The following EEF1D variants were observed in gnomAD, a reference collection of about 807,000 sequenced individuals.
The protein encoded by EEF1D is eukaryotic translation elongation factor 1 delta.
In EEF1D, 47 loss-of-function variants were observed where a neutral mutation model predicts 63.9. The observed-to-expected ratio is 0.74, with a 90% CI of 0.58 to 0.94. The LOEUF (loss-of-function observed/expected upper bound fraction) is 0.94, where lower values mean the gene tolerates loss of function less well. Ranked by LOEUF, EEF1D falls within the 40% of genes least tolerant of loss-of-function variation. The probability of loss-of-function intolerance (pLI) is 0.00; values close to 1 mark genes in which losing one functional copy is unlikely to be tolerated. For missense variants in EEF1D, 907 were observed against 899.0 expected, an observed-to-expected ratio of 1.01 and a Z score of -0.11; for synonymous variants, 412 against 386.1, an observed-to-expected ratio of 1.07 and a Z score of -0.79.
chr8:143,593,847 CTTCCCGCA>C (rs2131283005), intron 1 of EEF1D: 1 of 985,436 alleles, frequency 1.0e-6, no homozygotes, highest in East Asian at 1.1e-4. Context: ...CATTTCCCCG[CTTCCCGCA>C]TTCCCAAGCA....
In EEF1D at chr8:143,586,382, A is replaced by G. The variant is rs148828424; in HGVS notation, c.1216-92T>C. 1.1e-3 allele frequency: 1,331 copies of G among 1,191,828 alleles called. 17 individuals carry two copies. The African/African-American group carries it at 0.02, about 18-fold the overall frequency. 73.8% of individuals were successfully genotyped at this position (1,191,828 alleles called of 1,614,324 possible). A position where few individuals can be genotyped will look rare whatever the true frequency, so the allele number is the denominator to read the frequency against. On this transcript the variant is annotated intron_variant, in intron 4 of 9. Coordinates refer to ENST00000618139, the MANE Select transcript of EEF1D (RefSeq NM_001130053.5). Reference sequence around the variant, plus strand: ...ACCAAAAAACCCCATGAACCCTCACATAGAGACAGCAAGAAAGTACTGCAC... The same window carrying G: ...ACCAAAAAACCCCATGAACCCTCACGTAGAGACAGCAAGAAAGTACTGCAC...
At position 143,581,127 on chromosome 8, in the gene EEF1D, G is replaced by A; in HGVS notation, c.1415C>T (p.Ser472Phe). The A allele has an allele frequency of 1.9e-6, 3 of 1,612,994 alleles. No homozygotes were observed. Among genetic ancestry groups the A allele is most frequent in the Non-Finnish European group, 2.5e-6 (3 of 1,179,968 alleles). ...CACGTTCAGCCGGGCCTCCAGCTTG[G>A]AGATGGCCTGCTGCAGCTCCTGTAC... ...GVVQELQQAI[S>F]KLEARLNVLE... The change falls in exon 7 of 10, where the codon TCC becomes TTC. Residue 472 changes from serine (S) to phenylalanine (F), a missense_variant. By Grantham distance (155) the Ser-to-Phe change is radical (BLOSUM62 -2). Transcript: ENST00000618139.
rs1240275964 is a variant in EEF1D at position 143,581,251 on chromosome 8, C to T, written c.1365G>A (p.Val455=). 6.2e-7 allele frequency: 1 copy of T among 1,612,820 alleles called. No homozygotes were observed. The highest frequency in any genetic ancestry group is 2.2e-5 in the East Asian group (1 of 44,882). The change falls in exon 6 of 10, where the codon GTG becomes GTA. Residue 455 remains valine, a synonymous_variant. Transcript: ENST00000618139. ...CACCGCCACGCAGACTCTGGTTCTC[C>T]ACTTCCAGACTGGCAATCCGGACGA... ...ELVVRIASLE[V]ENQSLRGVVQ...
In EEF1D at chr8:143,580,171, G is replaced by T. The variant is rs746947563; in HGVS notation, c.1746C>A (p.Ala582=). The T allele has an allele frequency of 6.2e-7, 1 of 1,613,736 alleles. No homozygotes were observed. The highest frequency in any genetic ancestry group is 8.5e-7 in the Non-Finnish European group (1 of 1,180,002). ...CGTCCAGCTGGATAGAGCGCACACA[G>T]GCCTCCAGCTGGGCCATGTCCGTCT... The part of the protein sequence containing the change: ...DDETDMAQLE[A]CVRSIQLDGL... The change falls in exon 9 of 10, where the codon GCC becomes GCA. Residue 582 remains alanine (A), a synonymous_variant. Coordinates refer to ENST00000618139, the MANE Select transcript of EEF1D (RefSeq NM_001130053.5).
Position 143,580,563 on chromosome 8 carries a change from C to T in EEF1D, c.1653G>A (p.Lys551=), listed in dbSNP as rs142573039. The part of the protein sequence containing the change: ...REERLRQYAE[K]KAKKPALVAK... ...CCACCAGTGCAGGCTTCTTGGCCTT[C>T]TTCTCCGCGTACTGCCGTAGCCGCT... is the stretch of plus-strand genomic sequence containing the variant. The change falls in exon 8 of 10, where the codon AAG becomes AAA. Residue 551 remains lysine, a synonymous_variant. Transcript: ENST00000618139. The T allele has an allele frequency of 1.7e-5, 28 of 1,613,170 alleles. No homozygotes were observed. In the African/African-American group the frequency reaches 3.2e-4, roughly 18 times the overall value.
chr8:143,590,481 T>G, intron 2 of EEF1D: 1 of 1,103,828 alleles, frequency 9.1e-7, no homozygotes. Flanking sequence ...TAGCTTTCCC[T>G]GCATTTTTCC....
intron 7 of EEF1D, 29 bp from the exon 8 acceptor site, chr8:143,580,756 G>C (rs751183585): frequency 6.2e-7 from 1 of 1,608,170 alleles, no homozygotes; most frequent in Non-Finnish European, 8.5e-7. Flanking sequence ...CAGGAGGCAC[G>C]GCTGAGACGC....
chr8:143,595,907 A>G (rs1028445393), intron 1 of EEF1D, among the ~76,000 whole-genome samples: 3 of 152,202 alleles, frequency 2.0e-5, no homozygotes, highest in Non-Finnish European at 2.9e-5. Context: ...CTACACCAGC[A>G]CTTAGCATAA....
intron 6 of EEF1D, 28 bp downstream of exon 6, chr8:143,581,201 G>A (rs1416909046): frequency 6.2e-7 from 1 of 1,612,640 alleles, no homozygotes; most frequent in Middle Eastern, 1.7e-4. Context: ...GCCAGGGACA[G>A]CCCCAACCCA....
At chr8:143,594,961 A>G (rs763534660) in intron 1 of EEF1D, among the ~76,000 whole-genome samples, 4 of 152,216 alleles carry the variant, frequency 2.6e-5, no homozygotes, top group Non-Finnish European at 5.9e-5. Context: ...GCTGGAGTGC[A>G]GTGGCGCGAT....
intron 5 of EEF1D, among the ~76,000 whole-genome samples, chr8:143,585,881 G>A (rs1826487310): frequency 6.6e-6 from 1 of 152,232 alleles, no homozygotes; most frequent in Admixed American, 6.5e-5. Flanking sequence ...ACACAGTCCT[G>A]CCACAGGGAG....
chr8:143,596,945 T>C (rs1828939362), intron 1 of EEF1D: 1 of 152,218 alleles, frequency 6.6e-6, no homozygotes, highest in Admixed American at 6.5e-5. Flanking sequence ...ATGCGTGCAG[T>C]AACTGGTGCT....
chr8:143,586,380 A>G lies in EEF1D; in HGVS notation c.1216-90T>C, dbSNP rs537905320. ...AAACCAAAAAACCCCATGAACCCTC[A>G]CATAGAGACAGCAAGAAAGTACTGC... On this transcript the variant is annotated intron_variant, in intron 4 of 9. Transcript: ENST00000618139. 389 of 1,204,762 alleles carry G rather than the reference A, an allele frequency of 3.2e-4. 1 individual carries two copies. Among genetic ancestry groups the G allele is most frequent in the Non-Finnish European group, 3.8e-4 (334 of 875,798 alleles). 74.6% of individuals were successfully genotyped at this position (1,204,762 alleles called of 1,614,324 possible). A position where few individuals can be genotyped will look rare whatever the true frequency, so the allele number is the denominator to read the frequency against.
At chr8:143,587,739 G>A (rs1193496428) in intron 3 of EEF1D, among the ~76,000 whole-genome samples, 1 of 152,244 alleles carries the variant, frequency 6.6e-6, no homozygotes, top group Non-Finnish European at 1.5e-5. Flanking sequence ...CAGGGACCAT[G>A]GCCCGCAGGC....
chr8:143,588,985 T>C lies in EEF1D; in HGVS notation c.1091+6A>G. On this transcript the variant is annotated splice_donor_region_variant and intron_variant, in intron 3 of 9. Transcript: ENST00000618139. The stretch of plus-strand genomic sequence containing the variant: ...GCTGGGTGCCCACCCAGCACGTTTC[T>C]CCTACTTGGGTCTCAGGCTGGACAC... 1 of 1,593,886 alleles carries C rather than the reference T, an allele frequency of 6.3e-7. No individual in the cohort carries two copies. The highest frequency in any genetic ancestry group is 1.1e-5 in the South Asian group (1 of 90,386).
intron 5 of EEF1D, among the ~76,000 whole-genome samples, chr8:143,585,274 G>C (rs1314933872): frequency 1.3e-5 from 2 of 152,204 alleles, no homozygotes; most frequent in Non-Finnish European, 2.9e-5. Context: ...GACAGAGCGA[G>C]GCAGGAGGTT....
chr8:143,593,786 A>G, intron 1 of EEF1D: 1 of 904,984 alleles, frequency 1.1e-6, no homozygotes, highest in Middle Eastern at 5.6e-4. Flanking sequence ...GCGGGCAGAG[A>G]GCCTCCCAGG....
At chr8:143,595,669 C>G (rs1828681403) in intron 1 of EEF1D, among the ~76,000 whole-genome samples, 2 of 152,076 alleles carry the variant, frequency 1.3e-5, no homozygotes, top group Admixed American at 1.3e-4. Context: ...CCAGGCCAAG[C>G]CCCGCCCCAA....
At chr8:143,580,380 G>A in intron 8 of EEF1D, 126 bp downstream of exon 8, 1 of 1,309,226 alleles carries the variant, frequency 7.6e-7, no homozygotes, top group South Asian at 1.4e-5. Flanking sequence ...TTTATCCCAA[G>A]ACTTCTAAAC....
Sources: allele counts gnomAD v4.1 joint callset (sites outside exome capture counted in the v4.1 genomes callset), GRCh38; gene constraint gnomAD v4.1.1; transcripts MANE v1.5; gene names NCBI Gene and HGNC (gene_info 2026-07-23, HGNC 2026-07-21).